The following PITPNB variants were observed in gnomAD, a reference collection of about 807,000 sequenced individuals.
PITPNB encodes the protein phosphatidylinositol transfer protein beta, also known as phosphatidylinositol transfer protein beta isoform.
PITPNB carries 16 observed loss-of-function variants against 45.9 expected under a neutral mutation model. The ratio of observed to expected loss-of-function variants is 0.35; its 90% CI spans 0.24 to 0.53. The LOEUF (loss-of-function observed/expected upper bound fraction) is 0.53, where lower values mean the gene tolerates loss of function less well. Ranked by LOEUF, PITPNB falls within the 20% of genes least tolerant of loss-of-function variation. The pLI, the probability that PITPNB is intolerant of heterozygous loss-of-function variation, is 0.93. For missense variants in PITPNB, 188 were observed against 330.5 expected (o/e 0.57, Z 3.34); for synonymous variants, 112 against 108.9 (o/e 1.03, Z -0.18).
intron 5 of PITPNB, 97 bp downstream of exon 5, chr22:27,897,033 C>A (rs546693797): frequency 7.0e-6 from 6 of 859,578 alleles, no homozygotes; most frequent in Non-Finnish European, 1.0e-5. Flanking sequence ...AACCATGCAG[C>A]GAGGTGCAGT....
chr22:27,917,126 G>T (rs965831164), intron 1 of PITPNB, among the ~76,000 whole-genome samples: 1 of 152,166 alleles, frequency 6.6e-6, no homozygotes, highest in Non-Finnish European at 1.5e-5. Context: ...TAACTCTTTG[G>T]GAAAAATAAT....
chr22:27,868,385 T>C (rs1372858925), intron 8 of PITPNB, among the ~76,000 whole-genome samples: 2 of 152,198 alleles, frequency 1.3e-5, no homozygotes, highest in Non-Finnish European at 2.9e-5. Context: ...AATTTTGCAG[T>C]TTCATTATCT....
intron 3 of PITPNB, among the ~76,000 whole-genome samples, chr22:27,904,764 G>A (rs1935708746): frequency 6.6e-6 from 1 of 152,120 alleles, no homozygotes; most frequent in Admixed American, 6.6e-5. Context: ...AAGAAAAGAA[G>A]ATACAAGAGG....
At chr22:27,898,919 AAC>A in intron 3 of PITPNB, among the ~76,000 whole-genome samples, 1 of 152,230 alleles carries the variant, frequency 6.6e-6, no homozygotes, top group African/African-American at 2.4e-5. Context: ...AATCAGTCTT[AAC>A]AGTCTTCAAA....
chr22:27,912,711 G>C (rs1462240042), intron 2 of PITPNB, among the ~76,000 whole-genome samples: 1 of 152,028 alleles, frequency 6.6e-6, no homozygotes, highest in African/African-American at 2.4e-5. Context: ...GCCTGGCACA[G>C]TGGCTCATGC....
At chr22:27,861,913 G>C (rs763710150) in intron 8 of PITPNB, among the ~76,000 whole-genome samples, 6 of 152,172 alleles carry the variant, frequency 3.9e-5, no homozygotes, top group Admixed American at 6.5e-5. Context: ...TTTTGAATCT[G>C]CAAGACAGTT....
intron 1 of PITPNB, chr22:27,918,967 G>C (rs1202333797): frequency 1.2e-5 from 9 of 756,250 alleles, no homozygotes; most frequent in East Asian, 8.0e-5. Flanking sequence ...GGAAGGGAGA[G>C]GGCGTGTTAC....
At chr22:27,857,427 A>G (rs1234441765) in intron 10 of PITPNB, among the ~76,000 whole-genome samples, 1 of 152,222 alleles carries the variant, frequency 6.6e-6, no homozygotes. Context: ...AAGCAATTTT[A>G]AACAGATTCT....
At chr22:27,873,359 A>G (rs1934724521) in intron 8 of PITPNB, among the ~76,000 whole-genome samples, 2 of 152,238 alleles carry the variant, frequency 1.3e-5, no homozygotes, top group Admixed American at 1.3e-4. Flanking sequence ...GTCCAGGAAT[A>G]TGAGCTTGGG....
chr22:27,876,139 A>G (rs1934814035), intron 7 of PITPNB, among the ~76,000 whole-genome samples: 1 of 152,214 alleles, frequency 6.6e-6, no homozygotes. Context: ...CCAGCACTTC[A>G]ACTCAATCCT....
chr22:27,863,913 A>G (rs1934407236), intron 8 of PITPNB, among the ~76,000 whole-genome samples: 1 of 152,240 alleles, frequency 6.6e-6, no homozygotes, highest in Admixed American at 6.5e-5. Flanking sequence ...TATAAAATTC[A>G]TTTTAGAAAC....
At chr22:27,885,164 G>C (rs1935081986) in intron 7 of PITPNB, among the ~76,000 whole-genome samples, 1 of 113,898 alleles carries the variant, frequency 8.8e-6, no homozygotes, top group South Asian at 2.9e-4. Context: ...AAGCTACTTA[G>C]ACAAAGTGCT....
chr22:27,896,052 TGAACCAACTTATATAA>T (rs962642903), intron 6 of PITPNB, among the ~76,000 whole-genome samples: 1 of 152,260 alleles, frequency 6.6e-6, no homozygotes, highest in African/African-American at 2.4e-5. Context: ...GAGATAAATG[TGAACCAACTTATATAA>T]GTCAACAGCT....
At chr22:27,893,652 C>G (rs997371340) in intron 7 of PITPNB, among the ~76,000 whole-genome samples, 1 of 139,258 alleles carries the variant, frequency 7.2e-6, no homozygotes, top group African/African-American at 2.7e-5. Context: ...TGCAGTGGTA[C>G]GATCACGGCT....
At chr22:27,911,679 T>C (rs1368162688) in intron 2 of PITPNB, among the ~76,000 whole-genome samples, 1 of 152,212 alleles carries the variant, frequency 6.6e-6, no homozygotes, top group Non-Finnish European at 1.5e-5. Context: ...TTATGACTTA[T>C]TTATGATACA....
At position 27,894,733 on chromosome 22, in the gene PITPNB, T is replaced by C. The variant is rs138480536; in HGVS notation, c.373-95A>G. 2.5e-3 allele frequency: 1,582 copies of C among 622,950 alleles called. 12 individuals carry two copies. Among genetic ancestry groups the C allele is most frequent in the African/African-American group, 0.023 (1,253 of 55,200 alleles). 38.6% of individuals were successfully genotyped at this position (622,950 alleles called of 1,614,324 possible). A position where few individuals can be genotyped will look rare whatever the true frequency, so the allele number is the denominator to read the frequency against. ...TTTATCTTGAGTCTCTCAGGGGACA[T>C]TATAGGGAATTAAAAGACCCAAATT... is the stretch of plus-strand genomic sequence containing the variant. On this transcript the variant is annotated intron_variant, in intron 6 of 11. Transcript: ENST00000335272.
At chr22:27,857,773 G>C (rs1469786594) in intron 10 of PITPNB, among the ~76,000 whole-genome samples, 2 of 152,210 alleles carry the variant, frequency 1.3e-5, no homozygotes, top group Non-Finnish European at 2.9e-5. Flanking sequence ...ACACCCACTG[G>C]CTGCCGGCCC....
At chr22:27,900,647 G>T (rs1302417101) in intron 3 of PITPNB, among the ~76,000 whole-genome samples, 1 of 152,116 alleles carries the variant, frequency 6.6e-6, no homozygotes, top group East Asian at 1.9e-4. Context: ...CGAGGAAAAT[G>T]TGCACATGGA....
chr22:27,898,691 G>A (rs1010648864), intron 3 of PITPNB, among the ~76,000 whole-genome samples: 3 of 152,106 alleles, frequency 2.0e-5, no homozygotes, highest in African/African-American at 7.2e-5. Flanking sequence ...AGAAATTAAA[G>A]CATATCCAAG....
Sources: gnomAD v4.1 joint callset for allele counts (sites outside exome capture counted in the v4.1 genomes callset) on GRCh38, gnomAD v4.1.1 for gene constraint, MANE v1.5 for transcripts, NCBI Gene and HGNC (gene_info 2026-07-23, HGNC 2026-07-21) for gene names.